RECK: variants seen among roughly 807,000 people sequenced by gnomAD.
RECK encodes reversion-inducing cysteine-rich protein with Kazal motifs.
In RECK, 69 loss-of-function variants were observed where a neutral mutation model predicts 115.1. The ratio of observed to expected loss-of-function variants is 0.60; its 90% CI spans 0.49 to 0.73. The LOEUF (loss-of-function observed/expected upper bound fraction) is 0.73, where lower values mean the gene tolerates loss of function less well. Ranked by LOEUF, RECK falls within the 30% of genes least tolerant of loss-of-function variation. The pLI, the probability that RECK is intolerant of heterozygous loss-of-function variation, is 0.00. For missense variants in RECK, 1,047 were observed against 1,203.7 expected (o/e 0.87, Z 1.93); for synonymous variants, 414 against 419.7 (o/e 0.99, Z 0.17).
chr9:36,094,249 A>C lies in RECK; in HGVS notation c.1085+2906A>C, dbSNP rs1432512137. ...TTTTTCAAAAGTAATTGGTTAAAGCAAAAATAATAACAATGTATTGTGGAA... is the reference window on the plus strand; with the variant it reads ...TTTTTCAAAAGTAATTGGTTAAAGCCAAAATAATAACAATGTATTGTGGAA... On this transcript the variant is annotated intron_variant, in intron 10 of 20. Coordinates refer to ENST00000377966, the MANE Select transcript of RECK (RefSeq NM_021111.3). This position sits in a 1 kb window ranked among gnomAD's most constrained non-coding sequence, Gnocchi z 4.1. Among the ~76,000 whole-genome samples the C allele has an allele frequency of 1.3e-5, 2 of 151,644 alleles. No individual in the cohort carries two copies. The highest frequency in any genetic ancestry group is 2.9e-5 in the Non-Finnish European group (2 of 67,798).
At chr9:36,105,341 A>G (rs1055612710) in intron 13 of RECK, 58 bp downstream of exon 13, 4 of 1,569,606 alleles carry the variant, frequency 2.5e-6, no homozygotes, top group Admixed American at 1.8e-5. Context: ...GTTTCTTTAT[A>G]GGAGCTATCT....
intron 5 of RECK, among the ~76,000 whole-genome samples, chr9:36,064,547 C>T (rs1588287130): frequency 1.3e-5 from 2 of 152,270 alleles, no homozygotes; most frequent in South Asian, 4.1e-4. Flanking sequence ...AAAGCCTTCT[C>T]TTATTTTCTT....
At chr9:36,117,681 T>C (rs16932951) in intron 17 of RECK, among the ~76,000 whole-genome samples, 3,846 of 152,328 alleles carry the variant, frequency 0.025, 175 homozygotes, top group African/African-American at 0.088. Context: ...TCTGCATTTA[T>C]GTTTTAAGGA....
intron 10 of RECK, among the ~76,000 whole-genome samples, chr9:36,093,736 T>C (rs7861449): frequency 0.025 from 3,840 of 152,248 alleles, 172 homozygotes; most frequent in African/African-American, 0.086. Context: ...CATTAACCCA[T>C]TTTTTGGGAA....
chr9:36,074,029 C>T (rs748813865), intron 6 of RECK, among the ~76,000 whole-genome samples: 3 of 152,054 alleles, frequency 2.0e-5, no homozygotes, highest in African/African-American at 4.8e-5. Flanking sequence ...TTCTCCACAA[C>T]CACCCCCCAC....
chr9:36,086,358 C>T (rs1353499690), intron 8 of RECK, among the ~76,000 whole-genome samples: 2 of 151,974 alleles, frequency 1.3e-5, no homozygotes, highest in Non-Finnish European at 2.9e-5. Context: ...CACAGACCTT[C>T]GCGTGAGTGT....
At chr9:36,039,047 A>G (rs1234036438) in intron 1 of RECK, among the ~76,000 whole-genome samples, 1 of 152,208 alleles carries the variant, frequency 6.6e-6, no homozygotes, top group Non-Finnish European at 1.5e-5. Context: ...TGCTCATAAA[A>G]TTCTTTTTTT....
rs7849882 is a variant in RECK, at chr9:36,094,529, C to T, written c.1085+3186C>T. 0.025 allele frequency among the ~76,000 whole-genome samples: 3,816 copies of T among 151,884 alleles called. 172 individuals are homozygous for T. The highest frequency in any genetic ancestry group is 0.086 in the African/African-American group (3,555 of 41,420). On this transcript the variant is annotated intron_variant, in intron 10 of 20. Coordinates refer to ENST00000377966, the MANE Select transcript of RECK (RefSeq NM_021111.3). The surrounding 1 kb of genome is among the most constrained non-coding windows in gnomAD (Gnocchi z 4.1). ...AAACTAAAATAATACTTGATCCATC[C>T]AAAAGAAGACAGAAAGAAAAAGGAG... is the stretch of plus-strand genomic sequence containing the variant.
intron 1 of RECK, among the ~76,000 whole-genome samples, chr9:36,043,138 C>T (rs1257614596): frequency 6.8e-6 from 1 of 146,224 alleles, no homozygotes; most frequent in East Asian, 2.0e-4. Context: ...CATTCTCCTG[C>T]CTCAGCCTCC....
At position 36,077,806 on chromosome 9, in the gene RECK, T is replaced by C. The variant is rs116779095; in HGVS notation, c.406-2799T>C. On this transcript the variant is annotated intron_variant, in intron 6 of 20. Coordinates refer to ENST00000377966, the MANE Select transcript of RECK (RefSeq NM_021111.3). ...TGCCGTTTTCCTTTTTCTTCAGGTA[T>C]TGGGAGACTTTTTCTGTAAGGGGCC... Among the ~76,000 whole-genome samples the C allele has an allele frequency of 2.7e-3, 418 of 152,270 alleles. 3 individuals are homozygous for C. The highest frequency in any genetic ancestry group is 9.7e-3 in the African/African-American group (402 of 41,548).
chr9:36,092,521 G>T (rs189038248), intron 10 of RECK, among the ~76,000 whole-genome samples: 3,205 of 148,232 alleles, frequency 0.022, 123 homozygotes, highest in African/African-American at 0.076. Context: ...GATTACAGGC[G>T]CCTGCCACCA....
intron 6 of RECK, chr9:36,066,878 A>C: frequency 7.9e-7 from 1 of 1,262,438 alleles, no homozygotes; most frequent in Non-Finnish European, 1.0e-6. Context: ...AAGGTAAGAG[A>C]GACAAACTGT....
intron 8 of RECK, chr9:36,085,104 C>G (rs1822897937): frequency 6.1e-6 from 1 of 163,738 alleles, no homozygotes; most frequent in Non-Finnish European, 1.4e-5. Context: ...AAGTAAATCA[C>G]AGAACTAAAA....
intron 2 of RECK, among the ~76,000 whole-genome samples, chr9:36,053,025 CATA>C (rs199749674): frequency 0.013 from 2,002 of 152,224 alleles, 20 homozygotes; most frequent in Non-Finnish European, 0.023. Context: ...AATGAATGAA[CATA>C]ATGTCTATAA....
intron 7 of RECK, among the ~76,000 whole-genome samples, chr9:36,081,352 T>G (rs1822682000): frequency 6.6e-6 from 1 of 152,206 alleles, no homozygotes; most frequent in Non-Finnish European, 1.5e-5. Flanking sequence ...TTCAAGATTT[T>G]CCAGGTAGTC....
At chr9:36,057,926 A>G (rs1055550610) in intron 2 of RECK, among the ~76,000 whole-genome samples, 3 of 152,090 alleles carry the variant, frequency 2.0e-5, no homozygotes, top group Non-Finnish European at 4.4e-5. Context: ...TGGCCATCAG[A>G]GAAATGCAAA....
intron 6 of RECK, among the ~76,000 whole-genome samples, chr9:36,068,273 T>A (rs549249683): frequency 6.6e-6 from 1 of 152,284 alleles, no homozygotes; most frequent in South Asian, 2.1e-4. Context: ...AGTCAAATAT[T>A]CAAGAATAAA....
Position 36,121,070 on chromosome 9 carries a change from T to C in RECK, c.2538+334T>C, listed in dbSNP as rs554342715. 3.3e-5 allele frequency among the ~76,000 whole-genome samples: 5 copies of C among 152,224 alleles called. No individual in the cohort carries two copies. In the South Asian group the frequency reaches 8.3e-4, roughly 25 times the overall value. On this transcript the variant is annotated intron_variant, in intron 19 of 20. Coordinates refer to ENST00000377966, the MANE Select transcript of RECK (RefSeq NM_021111.3). ...AGAGACTGGTGGGTGCCCAGGTGCT[T>C]TTGAGGTCGCCTCCCCTCACACCAG... is the stretch of plus-strand genomic sequence containing the variant.
chr9:36,087,976 T>A lies in RECK; in HGVS notation c.905+15T>A, dbSNP rs922368842. 1.3e-5 allele frequency: 20 copies of A among 1,590,580 alleles called. No individual in the cohort carries two copies. The highest frequency in any genetic ancestry group is 1.7e-5 in the Non-Finnish European group (20 of 1,164,060). On this transcript the variant is annotated intron_variant, in intron 9 of 20. Transcript: ENST00000377966. ...TCAACATGTAGGTTAGTATTTCATT[T>A]TCCTTTACCAAAATCAGTAGAAAAT...
Sources: allele counts gnomAD v4.1 joint callset (sites outside exome capture counted in the v4.1 genomes callset), GRCh38; gene constraint gnomAD v4.1.1; non-coding constraint Gnocchi (gnomAD v3.1); transcripts MANE v1.5; gene names NCBI Gene and HGNC (gene_info 2026-07-23, HGNC 2026-07-21).